Variants in SP140L observed in about 807,000 individuals in gnomAD.
SP140L encodes SP140 like nuclear body protein.
SP140L carries 64 observed loss-of-function variants against 84.3 expected under a neutral mutation model. The observed-to-expected ratio is 0.76, with a 90% CI of 0.62 to 0.94. SP140L has a LOEUF of 0.94. Ranked by LOEUF, SP140L falls within the 40% of genes least tolerant of loss-of-function variation. The pLI is 0.00. For synonymous variants in SP140L, 242 were observed against 236.9 expected, an observed-to-expected ratio of 1.02 and a Z score of -0.20; for missense variants, 628 against 692.5, an observed-to-expected ratio of 0.91 and a Z score of 1.05.
At chr2:230,329,988 G>A in intron 2 of SP140L, among the ~76,000 whole-genome samples, 1 of 152,108 alleles carries the variant, frequency 6.6e-6, no homozygotes, top group East Asian at 1.9e-4. Flanking sequence ...TTTGTGCAAT[G>A]TTAAGAACTT....
At chr2:230,342,007 T>C (rs1443083794) in intron 2 of SP140L, 3 of 154,064 alleles carry the variant, frequency 1.9e-5, no homozygotes, top group African/African-American at 7.2e-5. Flanking sequence ...CCTTGAGCTG[T>C]GGTGGGCTCC....
chr2:230,400,765 TACCACTGATGCG>T, intron 15 of SP140L, 178 bp from the exon 16 acceptor site: 1 of 1,343,274 alleles, frequency 7.4e-7, no homozygotes, highest in Non-Finnish European at 1.0e-6. Flanking sequence ...CTCCTGCTGC[TACCACTGATGCG>T]AGGGAAAGGC....
At chr2:230,341,653 T>C (rs1378388623) in intron 2 of SP140L, among the ~76,000 whole-genome samples, 1 of 149,822 alleles carries the variant, frequency 6.7e-6, no homozygotes, top group Non-Finnish European at 1.5e-5. Flanking sequence ...ATGATGGTGA[T>C]GTACAGATGG....
intron 1 of SP140L, 45 bp from the exon 2 acceptor site, chr2:230,328,712 G>A: frequency 6.3e-7 from 1 of 1,598,136 alleles, no homozygotes; most frequent in Non-Finnish European, 8.5e-7. Flanking sequence ...AGCAAAGGGT[G>A]CTGTTATTTA....
At chr2:230,365,415 A>G (rs950140956) in intron 5 of SP140L, among the ~76,000 whole-genome samples, 6 of 151,966 alleles carry the variant, frequency 3.9e-5, no homozygotes, top group East Asian at 3.9e-4. Flanking sequence ...AGGTTATCCA[A>G]TTCTTTGGTG....
In SP140L at chr2:230,328,799, C is replaced by A. The variant is rs758695296; in HGVS notation, c.75C>A (p.Asn25Lys). ...GGVSQVANEM[N>K]HLPAHSQSLQ... ...TTTCACAAGTAGCAAATGAGATGAA[C>A]CATCTTCCTGCACACAGCCAAAGTC... is the stretch of plus-strand genomic sequence containing the variant. The change falls in exon 2 of 19, where the codon AAC becomes AAA. Residue 25 changes from asparagine (N) to lysine (K), a missense_variant. By Grantham distance (94) the Asn-to-Lys change is moderately conservative (BLOSUM62 0). Transcript: ENST00000415673. 1 of 1,612,508 alleles carries A rather than the reference C, an allele frequency of 6.2e-7. No individual in the cohort carries two copies. The highest frequency in any genetic ancestry group is 8.5e-7 in the Non-Finnish European group (1 of 1,179,088).
chr2:230,328,504 T>G (rs1226030487), intron 1 of SP140L, among the ~76,000 whole-genome samples: 1 of 152,260 alleles, frequency 6.6e-6, no homozygotes, highest in Non-Finnish European at 1.5e-5. Context: ...TAGATCTACC[T>G]CACTCTTTTT....
chr2:230,365,170 G>A (rs560876593), intron 5 of SP140L, among the ~76,000 whole-genome samples: 54 of 152,144 alleles, frequency 3.5e-4, no homozygotes, highest in Non-Finnish European at 5.3e-4. Flanking sequence ...TGGCTTCATA[G>A]ACTAAGCCTA....
In SP140L at chr2:230,333,917, CTTG is replaced by C. The variant is rs372942553; in HGVS notation, c.107+5098_107+5100del. ...AAAAGTTGTTTCTCGTTTATAGCAT[CTTG>C]TTGTTGTTGTTTCAAGAAATCCAAT... On this transcript the variant is annotated intron_variant, in intron 2 of 18. Coordinates refer to ENST00000415673, the MANE Select transcript of SP140L (RefSeq NM_138402.6). 3.0e-3 allele frequency among the ~76,000 whole-genome samples: 461 copies of C among 152,132 alleles called. 2 individuals carry two copies. The highest frequency in any genetic ancestry group is 5.1e-3 in the Non-Finnish European group (348 of 67,990).
intron 7 of SP140L, among the ~76,000 whole-genome samples, chr2:230,378,370 C>G (rs143634719): frequency 6.6e-6 from 1 of 152,230 alleles, no homozygotes; most frequent in African/African-American, 2.4e-5. Flanking sequence ...CTGCTAAGCT[C>G]CAGCCACAAT....
intron 2 of SP140L, among the ~76,000 whole-genome samples, chr2:230,355,311 A>G (rs2060509377): frequency 6.6e-6 from 1 of 152,190 alleles, no homozygotes; most frequent in Non-Finnish European, 1.5e-5. Context: ...CTACAATGGC[A>G]ATAAGGAATT....
chr2:230,361,694 C>A lies in SP140L; in HGVS notation c.520C>A (p.Gln174Lys). ...ERPDIKLSLKQGEVPESPEAR... is the reference protein window; with the variant it reads ...ERPDIKLSLKKGEVPESPEAR... ...GCCTGACATCAAACTAAGTCTTAAA[C>A]AAGGTAAAAATGACAGAATAAAAAC... The change falls in exon 5 of 19, where the codon CAA (glutamine) becomes AAA (lysine). Residue 174 changes from glutamine (Q) to lysine (K), a missense_variant. This residue lies in a region of SP140L where 525 missense variants were observed against 518.4 expected (regional missense o/e 1.01). Coordinates refer to ENST00000415673, the MANE Select transcript of SP140L (RefSeq NM_138402.6). 1 of 1,556,510 alleles carries A rather than the reference C, an allele frequency of 6.4e-7. No individual in the cohort carries two copies. Among genetic ancestry groups the A allele is most frequent in the Non-Finnish European group, 8.7e-7 (1 of 1,148,840 alleles).
intron 5 of SP140L, among the ~76,000 whole-genome samples, chr2:230,366,636 T>C (rs6710287): frequency 0.67 from 100,095 of 150,258 alleles, 34,620 homozygotes; most frequent in East Asian, 1. Context: ...TTATACTTAA[T>C]ATAATTATTG....
intron 3 of SP140L, 123 bp downstream of exon 3, chr2:230,358,090 T>A: frequency 1.7e-6 from 2 of 1,153,752 alleles, no homozygotes; most frequent in Non-Finnish European, 2.5e-6. Context: ...TGGTCCTACT[T>A]CCAGCTGAGG....
intron 10 of SP140L, 109 bp downstream of exon 10, chr2:230,388,742 A>C: frequency 1.1e-6 from 1 of 880,568 alleles, no homozygotes; most frequent in African/African-American, 1.8e-5. Context: ...TTATGAAGCT[A>C]TACTAACTAT....
intron 9 of SP140L, among the ~76,000 whole-genome samples, chr2:230,388,206 C>T (rs1042309305): frequency 6.6e-6 from 1 of 151,752 alleles, no homozygotes; most frequent in African/African-American, 2.4e-5. Context: ...ATATTATATG[C>T]CATATATATA....
intron 7 of SP140L, among the ~76,000 whole-genome samples, chr2:230,382,848 G>A (rs968667934): frequency 1.3e-5 from 2 of 152,204 alleles, no homozygotes; most frequent in African/African-American, 4.8e-5. Flanking sequence ...GGAGATGAGG[G>A]ACGTCAGAAA....
intron 2 of SP140L, among the ~76,000 whole-genome samples, chr2:230,333,523 C>T (rs2059784132): frequency 6.6e-6 from 1 of 152,162 alleles, no homozygotes; most frequent in Non-Finnish European, 1.5e-5. Flanking sequence ...CTTTCTGGCT[C>T]ATCTCTTTAA....
chr2:230,374,670 A>C (rs1161994114), intron 7 of SP140L, among the ~76,000 whole-genome samples: 1 of 152,206 alleles, frequency 6.6e-6, no homozygotes, highest in African/African-American at 2.4e-5. Context: ...ATCAACCACC[A>C]CCATGATCAG....
Sources: allele counts gnomAD v4.1 joint callset (sites outside exome capture counted in the v4.1 genomes callset), GRCh38; gene constraint gnomAD v4.1.1; regional missense constraint gnomAD v4.1.1; transcripts MANE v1.5; gene names NCBI Gene and HGNC (gene_info 2026-07-23, HGNC 2026-07-21).